DCDC1: variants seen among roughly 807,000 people sequenced by gnomAD.
DCDC1 encodes the protein doublecortin domain-containing protein 1.
Under a neutral mutation model 178.3 loss-of-function variants are expected in DCDC1, and 200 were observed. The observed-to-expected ratio is 1.12, with a 90% CI of 1.00 to 1.26. The LOEUF (loss-of-function observed/expected upper bound fraction) is 1.26, where lower values mean the gene tolerates loss of function less well. Ranked by LOEUF, DCDC1 falls within the 50% of genes most tolerant of loss-of-function variation. The probability of loss-of-function intolerance (pLI) is 0.00; values close to 1 mark genes in which losing one functional copy is unlikely to be tolerated. For synonymous variants in DCDC1, 690 were observed against 604.8 expected (o/e 1.14, Z -2.07); for missense variants, 1,983 against 1,749.2 (o/e 1.13, Z -2.38).
chr11:31,266,162 G>C (rs1229680660), intron 7 of DCDC1, among the ~76,000 whole-genome samples: 1 of 152,040 alleles, frequency 6.6e-6, no homozygotes, highest in African/African-American at 2.4e-5. Flanking sequence ...TGTTGTTTGG[G>C]TACTAAAAAC....
chr11:31,147,565 T>A (rs1964579675), intron 9 of DCDC1, among the ~76,000 whole-genome samples: 1 of 152,192 alleles, frequency 6.6e-6, no homozygotes, highest in African/African-American at 2.4e-5. Flanking sequence ...ACCATTATAA[T>A]ATATGAAGGA....
rs1244226457 is a variant in DCDC1, at chr11:31,290,771, T to G, written c.836A>C (p.Lys279Thr). The part of the protein sequence containing the change: ...LPTDIKRRKT[K>T]PVLSIRMKKL... ...CTTCATTCTAATAGAAAGAACAGGC[T>G]TGGTTTTCCGTCTTTTGATATCAGT... The change falls in exon 7 of 39, where the codon AAG becomes ACG. Residue 279 changes from lysine to threonine, a missense_variant. Transcript: ENST00000684477. The G allele has an allele frequency of 1.2e-6, 2 of 1,613,538 alleles. No homozygotes were observed. Among genetic ancestry groups the G allele is most frequent in the East Asian group, 4.5e-5 (2 of 44,848 alleles).
At chr11:31,163,004 T>A (rs1454809440) in intron 9 of DCDC1, among the ~76,000 whole-genome samples, 1 of 152,212 alleles carries the variant, frequency 6.6e-6, no homozygotes, top group Non-Finnish European at 1.5e-5. Context: ...TTGCTGAAGC[T>A]ACTTTGCCAA....
At chr11:31,234,403 A>G (rs1435421597) in intron 9 of DCDC1, among the ~76,000 whole-genome samples, 3 of 152,222 alleles carry the variant, frequency 2.0e-5, no homozygotes, top group Non-Finnish European at 4.4e-5. Flanking sequence ...AACGCTACTA[A>G]CAAGAAGTGA....
chr11:30,885,066 C>A (rs964242046), intron 36 of DCDC1, among the ~76,000 whole-genome samples: 1 of 151,780 alleles, frequency 6.6e-6, no homozygotes, highest in African/African-American at 2.4e-5. Flanking sequence ...AAAAGTAATA[C>A]ATACTTTACA....
rs544741423 is a variant in DCDC1, at chr11:30,957,873, G to A, written c.2592-5305C>T. ...TCAAGCAAATCCAGGTTTTTGCACTGATTCCTCTCCCTTAACTTACACCTA... is the reference window on the plus strand; with the variant it reads ...TCAAGCAAATCCAGGTTTTTGCACTAATTCCTCTCCCTTAACTTACACCTA... On this transcript the variant is annotated intron_variant, in intron 20 of 38. Coordinates refer to ENST00000684477, the MANE Select transcript of DCDC1 (RefSeq NM_001387274.1). 2.6e-5 allele frequency among the ~76,000 whole-genome samples: 4 copies of A among 152,280 alleles called. No homozygotes were observed. The South Asian group carries it at 8.3e-4, about 32-fold the overall frequency.
chr11:31,133,074 T>C (rs1473442443), intron 10 of DCDC1, among the ~76,000 whole-genome samples: 2 of 152,334 alleles, frequency 1.3e-5, no homozygotes, highest in East Asian at 3.9e-4. Flanking sequence ...TGTTATTCTG[T>C]TTATAATCAG....
At chr11:31,309,967 T>C (rs1948672485) in intron 3 of DCDC1, among the ~76,000 whole-genome samples, 1 of 150,616 alleles carries the variant, frequency 6.6e-6, no homozygotes, top group South Asian at 2.1e-4. Context: ...GCATGGGCTG[T>C]CTATCATTTT....
At chr11:31,250,532 A>T (rs953015362) in intron 8 of DCDC1, among the ~76,000 whole-genome samples, 1 of 149,554 alleles carries the variant, frequency 6.7e-6, no homozygotes, top group Non-Finnish European at 1.5e-5. Flanking sequence ...CCCCTTAAAG[A>T]ATAGATTTCC....
chr11:31,173,749 C>A (rs1410534819), intron 9 of DCDC1, among the ~76,000 whole-genome samples: 1 of 109,522 alleles, frequency 9.1e-6, no homozygotes, highest in African/African-American at 3.0e-5. Context: ...CACACACACA[C>A]ACACACACAA....
rs575295770 is a variant in DCDC1, at chr11:31,141,725, T to C, written c.1222-3941A>G. On this transcript the variant is annotated intron_variant, in intron 9 of 38. Transcript: ENST00000684477. ...ATACAAAAGACTGGGACAAATTACT[T>C]ATTTATATATACAAAACATGGTTAT... Among the ~76,000 whole-genome samples, 199 of 152,326 alleles carry C rather than the reference T, an allele frequency of 1.3e-3. No individual in the cohort carries two copies. In the South Asian group the frequency reaches 0.015, roughly 12 times the overall value.
At chr11:31,265,195 T>C (rs2137107112) in intron 8 of DCDC1, among the ~76,000 whole-genome samples, 1 of 152,288 alleles carries the variant, frequency 6.6e-6, no homozygotes, top group East Asian at 1.9e-4. Context: ...CTCATTTTTG[T>C]TTTTGGAAAG....
chr11:31,178,494 G>A (rs190183137), intron 9 of DCDC1, among the ~76,000 whole-genome samples: 1 of 152,250 alleles, frequency 6.6e-6, no homozygotes, highest in African/African-American at 2.4e-5. Context: ...GAACTCAAAA[G>A]CGCAGACAAG....
chr11:31,225,378 G>A (rs990679101), intron 9 of DCDC1, among the ~76,000 whole-genome samples: 1 of 149,242 alleles, frequency 6.7e-6, no homozygotes, highest in Non-Finnish European at 1.5e-5. Context: ...GGGGAAAGTT[G>A]GGGGGGAGTG....
At position 31,231,112 on chromosome 11, in the gene DCDC1, C is replaced by A. The variant is rs188603931; in HGVS notation, c.1221+10338G>T. ...ATAGCTGGTACCACAAGCATGCATG[C>A]ACCATCACATCTGGCTAAATTTTTT... On this transcript the variant is annotated intron_variant, in intron 9 of 38. Transcript: ENST00000684477. Among the ~76,000 whole-genome samples, 4 of 152,000 alleles carry A rather than the reference C, an allele frequency of 2.6e-5. No homozygotes were observed. In the East Asian group the frequency reaches 7.8e-4, roughly 29 times the overall value.
At chr11:31,105,552 A>G (rs1958791823) in intron 13 of DCDC1, among the ~76,000 whole-genome samples, 1 of 151,660 alleles carries the variant, frequency 6.6e-6, no homozygotes, top group Admixed American at 6.6e-5. Flanking sequence ...ATCAGTTTTT[A>G]TCATTGAAAA....
intron 9 of DCDC1, among the ~76,000 whole-genome samples, chr11:31,210,851 T>C (rs1972446174): frequency 6.6e-6 from 1 of 152,130 alleles, no homozygotes; most frequent in Admixed American, 6.6e-5. Flanking sequence ...AAATAAAACC[T>C]TGAAGCACAA....
intron 26 of DCDC1, 21 bp from the exon 27 acceptor site, chr11:30,915,732 T>C: frequency 6.3e-7 from 1 of 1,597,372 alleles, no homozygotes; most frequent in Non-Finnish European, 8.5e-7. Context: ...GAAATCTCTA[T>C]TAGTGGCAGA....
chr11:31,079,673 A>AG (rs1957065606), intron 17 of DCDC1, among the ~76,000 whole-genome samples: 2 of 152,174 alleles, frequency 1.3e-5, no homozygotes, highest in Admixed American at 6.5e-5. Context: ...GTGTCCACTG[A>AG]GAACTGAAGA....
Sources: gnomAD v4.1 joint callset for allele counts (sites outside exome capture counted in the v4.1 genomes callset) on GRCh38, gnomAD v4.1.1 for gene constraint, MANE v1.5 for transcripts, NCBI Gene and HGNC (gene_info 2026-07-23, HGNC 2026-07-21) for gene names.